The following EDIL3 variants were observed in gnomAD, a reference collection of about 807,000 sequenced individuals.
EDIL3 encodes EGF-like repeat and discoidin I-like domain-containing protein 3.
A neutral mutation model predicts 67.4 loss-of-function variants in EDIL3; 37 were observed. The observed-to-expected ratio is 0.55, with a 90% CI of 0.42 to 0.72. The LOEUF (loss-of-function observed/expected upper bound fraction) is 0.72, where lower values mean the gene tolerates loss of function less well. Among genes scored for constraint, EDIL3 ranks in the 30% least tolerant of loss-of-function variants. The pLI is 0.00. For synonymous variants in EDIL3, 195 were observed against 196.3 expected, an observed-to-expected ratio of 0.99 and a Z score of 0.05; for missense variants, 527 against 586.3, an observed-to-expected ratio of 0.90 and a Z score of 1.04.
chr5:84,054,341 C>A (rs1354284136), intron 9 of EDIL3, among the ~76,000 whole-genome samples: 1 of 152,176 alleles, frequency 6.6e-6, no homozygotes, highest in Non-Finnish European at 1.5e-5. Flanking sequence ...GACAAACTCA[C>A]AGCCAATATC....
At chr5:84,094,670 C>T (rs1396200714) in intron 6 of EDIL3, among the ~76,000 whole-genome samples, 1 of 152,040 alleles carries the variant, frequency 6.6e-6, no homozygotes, top group Admixed American at 6.6e-5. Context: ...TTGTAGCATT[C>T]TCAATCCCAC....
chr5:83,959,081 T>A (rs1744562256), intron 10 of EDIL3, among the ~76,000 whole-genome samples: 1 of 150,834 alleles, frequency 6.6e-6, no homozygotes, highest in African/African-American at 2.4e-5. Flanking sequence ...ATTCAAAAAC[T>A]GACATCTCAA....
At chr5:84,208,663 G>A (rs1388135485) in intron 3 of EDIL3, among the ~76,000 whole-genome samples, 4 of 136,550 alleles carry the variant, frequency 2.9e-5, no homozygotes, top group African/African-American at 8.3e-5. Flanking sequence ...TCCGGCCTGG[G>A]CAACAGAGCG....
At chr5:84,020,620 G>A (rs1305044006) in intron 9 of EDIL3, among the ~76,000 whole-genome samples, 3 of 151,166 alleles carry the variant, frequency 2.0e-5, no homozygotes, top group East Asian at 1.9e-4. Flanking sequence ...CCCTCCCGCC[G>A]ACACACACAC....
chr5:84,370,818 C>A (rs923768921), intron 1 of EDIL3, among the ~76,000 whole-genome samples: 23 of 152,084 alleles, frequency 1.5e-4, no homozygotes, highest in Admixed American at 1.1e-3. Context: ...TGCATCAGTG[C>A]ATCAAGTAGA....
At chr5:84,340,023 A>G (rs1329410829) in intron 1 of EDIL3, among the ~76,000 whole-genome samples, 1 of 152,096 alleles carries the variant, frequency 6.6e-6, no homozygotes, top group Non-Finnish European at 1.5e-5. Flanking sequence ...TAATTTTTAC[A>G]TAGAAAAATA....
chr5:83,944,664 A>G (rs1256659622), intron 10 of EDIL3, among the ~76,000 whole-genome samples: 2 of 151,868 alleles, frequency 1.3e-5, no homozygotes, highest in Non-Finnish European at 2.9e-5. Context: ...ACTATTTTAT[A>G]TCTACATTTT....
chr5:84,104,416 A>T (rs1262349636), intron 6 of EDIL3, among the ~76,000 whole-genome samples: 1 of 151,962 alleles, frequency 6.6e-6, no homozygotes, highest in Non-Finnish European at 1.5e-5. Flanking sequence ...AAATTGGTAA[A>T]GTTTTGTAAA....
At position 84,312,355 on chromosome 5, in the gene EDIL3, C is replaced by T. The variant is rs1465310943; in HGVS notation, c.68-58143G>A. Among the ~76,000 whole-genome samples, 62 of 147,066 alleles carry T rather than the reference C, an allele frequency of 4.2e-4. 1 individual carries two copies. The highest frequency in any genetic ancestry group is 1.5e-3 in the African/African-American group (60 of 39,862). ...GGGGCTGACCCCCCCACCTCCCTCC[C>T]GGACGGGGCGGCTGGCCGGGCGGGG... On this transcript the variant is annotated intron_variant, in intron 1 of 10. Coordinates refer to ENST00000296591, the MANE Select transcript of EDIL3 (RefSeq NM_005711.5).
intron 6 of EDIL3, among the ~76,000 whole-genome samples, chr5:84,068,483 C>A (rs1009371771): frequency 2.6e-5 from 4 of 152,044 alleles, no homozygotes; most frequent in African/African-American, 9.7e-5. Context: ...TTTTCTAAAG[C>A]TTTAATTGTA....
At chr5:83,957,731 C>G (rs1012289515) in intron 10 of EDIL3, among the ~76,000 whole-genome samples, 1 of 151,638 alleles carries the variant, frequency 6.6e-6, no homozygotes, top group East Asian at 2.0e-4. Flanking sequence ...TACTTCTTCC[C>G]TAGAGTTGTT....
At chr5:84,253,405 A>C (rs1745070943) in intron 2 of EDIL3, among the ~76,000 whole-genome samples, 2 of 152,174 alleles carry the variant, frequency 1.3e-5, no homozygotes, top group African/African-American at 2.4e-5. Context: ...AAATCTCTGC[A>C]CAAGTTTACA....
At chr5:83,944,553 G>A (rs1201321231) in intron 10 of EDIL3, among the ~76,000 whole-genome samples, 2 of 151,718 alleles carry the variant, frequency 1.3e-5, no homozygotes, top group East Asian at 3.9e-4. Context: ...TATAAATTAT[G>A]TTGGGGTAAA....
chr5:84,332,888 T>C (rs1317999370), intron 1 of EDIL3, among the ~76,000 whole-genome samples: 3 of 152,204 alleles, frequency 2.0e-5, no homozygotes, highest in Non-Finnish European at 2.9e-5. Flanking sequence ...AATCCACCTT[T>C]TGAAATTGAG....
chr5:84,058,553 T>C (rs543272751), intron 9 of EDIL3, among the ~76,000 whole-genome samples: 170 of 152,294 alleles, frequency 1.1e-3, no homozygotes, highest in African/African-American at 3.8e-3. Context: ...TTTTTCATAG[T>C]TGAAATTACC....
intron 5 of EDIL3, among the ~76,000 whole-genome samples, chr5:84,133,074 C>G (rs1036853333): frequency 6.6e-6 from 1 of 151,930 alleles, no homozygotes; most frequent in African/African-American, 2.4e-5. Flanking sequence ...TTTAAACAAC[C>G]AGGAGGGAAA....
chr5:84,074,241 C>A (rs201682585), intron 6 of EDIL3, among the ~76,000 whole-genome samples: 40,124 of 132,998 alleles, frequency 0.3, 6,868 homozygotes, highest in East Asian at 0.37. Flanking sequence ...AAACCATAAA[C>A]ACCCGAGAAG....
chr5:84,033,298 A>T (rs1745960337), intron 9 of EDIL3, among the ~76,000 whole-genome samples: 1 of 152,204 alleles, frequency 6.6e-6, no homozygotes, highest in South Asian at 2.1e-4. Context: ...AAATCAAATC[A>T]CTTGACCACT....
chr5:84,242,793 TAAAA>T (rs373595978), intron 2 of EDIL3, among the ~76,000 whole-genome samples: 1 of 120,856 alleles, frequency 8.3e-6, no homozygotes, highest in Non-Finnish European at 1.6e-5. Context: ...GACCCTATCT[TAAAA>T]AAAAAAAAAA....
Sources: gnomAD v4.1 joint callset for allele counts (sites outside exome capture counted in the v4.1 genomes callset) on GRCh38, gnomAD v4.1.1 for gene constraint, MANE v1.5 for transcripts, NCBI Gene and HGNC (gene_info 2026-07-23, HGNC 2026-07-21) for gene names.